The following APCDD1L variants were observed in gnomAD, a reference collection of about 807,000 sequenced individuals.
APCDD1L encodes APC down-regulated 1 like, also known as protein APCDD1-like.
A neutral mutation model predicts 24.2 loss-of-function variants in APCDD1L; 21 were observed. The ratio of observed to expected loss-of-function variants is 0.87; its 90% confidence interval spans 0.61 to 1.25. The LOEUF (loss-of-function observed/expected upper bound fraction) is 1.25. Ranked by LOEUF, APCDD1L falls within the 50% of genes most tolerant of loss-of-function variation. The pLI, the probability that APCDD1L is intolerant of heterozygous loss-of-function variation, is 0.00. For missense variants in APCDD1L, 704 were observed against 711.7 expected (o/e 0.99, Z 0.12); for synonymous variants, 321 against 323.6 (o/e 0.99, Z 0.09).
At chr20:58,513,142 C>T (rs1380101767) in intron 1 of APCDD1L, among the ~76,000 whole-genome samples, 2 of 152,184 alleles carry the variant, frequency 1.3e-5, no homozygotes, top group African/African-American at 4.8e-5. Flanking sequence ...GTTCCATTCC[C>T]ACTGGGTGCA....
In APCDD1L at chr20:58,467,658, G is replaced by C. The variant is rs576719136; in HGVS notation, c.189C>G (p.Gly63=). 1 of 1,491,586 alleles carries C rather than the reference G, an allele frequency of 6.7e-7. No individual in the cohort carries two copies. The highest frequency in any genetic ancestry group is 9.0e-7 in the Non-Finnish European group (1 of 1,116,840). The allele number at this position is 1,491,586 out of a possible 1,614,324, so 92.4% of individuals were successfully genotyped here. Residue 63 remains glycine, a splice_region_variant and synonymous_variant, in exon 3 of 4, where the codon GGC becomes GGG. Transcript: ENST00000371149. The surrounding 1 kb of genome is among the most constrained non-coding windows in gnomAD (Gnocchi z 5.9). Reference sequence around the variant, plus strand: ...ACTCCGGTCCTGGGCGCACCTCGCAGCTGCAGGGGTGGAAGGAGATGGGCT... The same window carrying C: ...ACTCCGGTCCTGGGCGCACCTCGCACCTGCAGGGGTGGAAGGAGATGGGCT... The part of the protein sequence containing the change: ...PRLNGPWIST[G]CEVRPGPEFL...
chr20:58,489,236 A>G (rs1419219533), intron 1 of APCDD1L, among the ~76,000 whole-genome samples: 2 of 152,140 alleles, frequency 1.3e-5, no homozygotes, highest in Non-Finnish European at 2.9e-5. Flanking sequence ...CAAAACAAAC[A>G]AACAAACAAA....
intron 3 of APCDD1L, among the ~76,000 whole-genome samples, chr20:58,464,601 A>C (rs892371204): frequency 6.6e-6 from 1 of 152,226 alleles, no homozygotes; most frequent in African/African-American, 2.4e-5. Flanking sequence ...GTTTCTAATT[A>C]ACCCCCAGAG....
intron 1 of APCDD1L, among the ~76,000 whole-genome samples, chr20:58,480,388 G>A (rs6026298): frequency 0.47 from 72,103 of 151,852 alleles, 17,537 homozygotes; most frequent in East Asian, 0.63. Context: ...AAGAAGCTGC[G>A]GGTTGACAGG....
At chr20:58,481,815 C>G (rs1261600640) in intron 1 of APCDD1L, among the ~76,000 whole-genome samples, 1 of 152,214 alleles carries the variant, frequency 6.6e-6, no homozygotes, top group East Asian at 1.9e-4. Flanking sequence ...CCCACCAAGG[C>G]CAGCTCTGGT....
chr20:58,500,581 T>G (rs1244997722), intron 1 of APCDD1L, among the ~76,000 whole-genome samples: 3 of 152,220 alleles, frequency 2.0e-5, no homozygotes, highest in African/African-American at 7.2e-5. Context: ...TTAATCCTTT[T>G]GGCAGTGTTT....
chr20:58,474,191 C>T lies in APCDD1L; in HGVS notation c.50-3444G>A, dbSNP rs187921026. Among the ~76,000 whole-genome samples the T allele has an allele frequency of 1.3e-3, 192 of 152,310 alleles. No homozygotes were observed. In the Middle Eastern group the frequency reaches 0.014, roughly 11 times the overall value. On this transcript the variant is annotated intron_variant, in intron 1 of 3. Coordinates refer to ENST00000371149, the MANE Select transcript of APCDD1L (RefSeq NM_153360.3). ...GCATCATGACCTTGAGTCCTCACAG[C>T]GGCAGCGTGTCAGTACCTTGGCAGA...
intron 1 of APCDD1L, among the ~76,000 whole-genome samples, chr20:58,472,648 A>G (rs1326749918): frequency 2.0e-5 from 3 of 152,220 alleles, no homozygotes; most frequent in African/African-American, 7.2e-5. Context: ...ATTGGCTTTA[A>G]TTAGCCAAAT....
Position 58,461,140 on chromosome 20 carries a change from A to T in APCDD1L, c.1156T>A (p.Ser386Thr). 6.2e-7 allele frequency: 1 copy of T among 1,613,102 alleles called. No individual in the cohort carries two copies. The highest frequency in any genetic ancestry group is 8.5e-7 in the Non-Finnish European group (1 of 1,179,502). ...PSSCGGAGAW[S>T]MGTERDVTAT... Reference sequence around the variant, plus strand: ...GTGACATCCCGCTCAGTGCCCATGGACCAGGCCCCCGCACCCCCACAGCTG... The same window carrying T: ...GTGACATCCCGCTCAGTGCCCATGGTCCAGGCCCCCGCACCCCCACAGCTG... The change falls in exon 4 of 4, where the codon TCC (serine) becomes ACC (threonine). Residue 386 changes from serine (S) to threonine (T), a missense_variant. Ser to Thr is a moderately conservative substitution (Grantham distance 58). Coordinates refer to ENST00000371149, the MANE Select transcript of APCDD1L (RefSeq NM_153360.3). The surrounding 1 kb of genome is among the most constrained non-coding windows in gnomAD (Gnocchi z 6.0).
chr20:58,466,242 T>C (rs2123134497), intron 3 of APCDD1L, among the ~76,000 whole-genome samples: 1 of 152,250 alleles, frequency 6.6e-6, no homozygotes, highest in South Asian at 2.1e-4. Flanking sequence ...GAAATTCGTG[T>C]TGGAGTCAAG....
intron 3 of APCDD1L, among the ~76,000 whole-genome samples, chr20:58,465,626 C>T (rs73183248): frequency 0.06 from 9,149 of 152,238 alleles, 428 homozygotes; most frequent in Non-Finnish European, 0.091. Flanking sequence ...GCATTGGGTG[C>T]CTTGTACAGA....
At chr20:58,492,998 A>G (rs1374694306) in intron 1 of APCDD1L, among the ~76,000 whole-genome samples, 2 of 152,206 alleles carry the variant, frequency 1.3e-5, no homozygotes, top group Non-Finnish European at 2.9e-5. Flanking sequence ...GCAAGCATGC[A>G]CACATGCATA....
chr20:58,505,039 T>A (rs559437402), intron 1 of APCDD1L, among the ~76,000 whole-genome samples: 78 of 152,206 alleles, frequency 5.1e-4, no homozygotes, highest in African/African-American at 1.8e-3. Flanking sequence ...ATGGAACTGA[T>A]CCTATAGAAA....
intron 1 of APCDD1L, among the ~76,000 whole-genome samples, chr20:58,471,159 T>C (rs1019944096): frequency 6.6e-6 from 1 of 152,164 alleles, no homozygotes; most frequent in Non-Finnish European, 1.5e-5. Flanking sequence ...CAAAGGGCAC[T>C]CTGGACTCAG....
intron 1 of APCDD1L, among the ~76,000 whole-genome samples, chr20:58,485,004 G>T (rs897440056): frequency 7.6e-5 from 11 of 145,362 alleles, no homozygotes; most frequent in Non-Finnish European, 1.7e-4. Context: ...TTTGCATTTT[G>T]CTTTTTACAC....
In APCDD1L at chr20:58,511,977, T is replaced by G. The variant is rs569699210; in HGVS notation, c.49+2682A>C. Among the ~76,000 whole-genome samples, 19 of 151,954 alleles carry G rather than the reference T, an allele frequency of 1.3e-4. No homozygotes were observed. In the South Asian group the frequency reaches 3.7e-3, roughly 30 times the overall value. On this transcript the variant is annotated intron_variant, in intron 1 of 3. Transcript: ENST00000371149. ...TCCCCCTCCAGCATAAATTGTTGAG[T>G]AATGAGATTTTTAAAAGCCAGAAAT...
In APCDD1L at chr20:58,467,446, A is replaced by G; in HGVS notation, c.401T>C (p.Ile134Thr). 1.3e-6 allele frequency: 2 copies of G among 1,586,562 alleles called. No individual in the cohort carries two copies. The highest frequency in any genetic ancestry group is 1.7e-6 in the Non-Finnish European group (2 of 1,168,632). ...EADYHLHKVG[I>T]VFHSRRALVD... ...CAGGGCCCGGCGGCTGTGGAAGACG[A>G]TGCCCACCTTGTGCAGGTGGTAGTC... is the stretch of plus-strand genomic sequence containing the variant. Residue 134 changes from isoleucine to threonine, a missense_variant, in exon 3 of 4, where the codon ATC (isoleucine) becomes ACC (threonine). Physicochemically the swap from Ile to Thr is moderately conservative, Grantham distance 89 (BLOSUM62 -1). Transcript: ENST00000371149. The surrounding 1 kb of genome is among the most constrained non-coding windows in gnomAD (Gnocchi z 5.9).
At chr20:58,482,506 T>A (rs1313862400) in intron 1 of APCDD1L, among the ~76,000 whole-genome samples, 1 of 152,224 alleles carries the variant, frequency 6.6e-6, no homozygotes, top group East Asian at 1.9e-4. Context: ...CCTTCCCTCA[T>A]GACCCTGGCC....
chr20:58,463,143 CAAAAAAAAA>C (rs398036014), intron 3 of APCDD1L, among the ~76,000 whole-genome samples: 1 of 93,778 alleles, frequency 1.1e-5, no homozygotes, highest in Non-Finnish European at 2.0e-5. Flanking sequence ...CTCCATCTCA[CAAAAAAAAA>C]AAAAAAAAAA....
Sources: allele counts gnomAD v4.1 joint callset (sites outside exome capture counted in the v4.1 genomes callset), GRCh38; gene constraint gnomAD v4.1.1; non-coding constraint Gnocchi (gnomAD v3.1); transcripts MANE v1.5; gene names NCBI Gene and HGNC (gene_info 2026-07-23, HGNC 2026-07-21).